Variants in KCNIP4 observed in about 807,000 individuals in gnomAD.
The protein encoded by KCNIP4 is Kv channel-interacting protein 4.
A neutral mutation model predicts 34.0 loss-of-function variants in KCNIP4; 12 were observed. The ratio of observed to expected loss-of-function variants is 0.35; its 90% CI spans 0.23 to 0.57. KCNIP4 has a LOEUF of 0.57. Among genes scored for constraint, KCNIP4 ranks in the 20% least tolerant of loss-of-function variants. KCNIP4 has a pLI of 0.83. For missense variants in KCNIP4, 238 were observed against 311.7 expected (o/e 0.76, Z 1.78); for synonymous variants, 124 against 102.2 (o/e 1.21, Z -1.29).
intron 1 of KCNIP4, among the ~76,000 whole-genome samples, chr4:21,298,975 T>A (rs1184433762): frequency 6.6e-6 from 1 of 152,114 alleles, no homozygotes; most frequent in African/African-American, 2.4e-5. Context: ...CGGAGTCTGA[T>A]GGCCTGAGTT....
At chr4:21,782,310 A>G (rs1241398819) in intron 1 of KCNIP4, among the ~76,000 whole-genome samples, 1 of 152,224 alleles carries the variant, frequency 6.6e-6, no homozygotes, top group East Asian at 1.9e-4. Flanking sequence ...CTATTTTAAC[A>G]TAAGATACAA....
At chr4:21,705,810 A>G (rs889382114) in intron 1 of KCNIP4, among the ~76,000 whole-genome samples, 4 of 152,204 alleles carry the variant, frequency 2.6e-5, no homozygotes. Flanking sequence ...CAGTCAGCTA[A>G]TAATCCACAA....
intron 1 of KCNIP4, among the ~76,000 whole-genome samples, chr4:21,135,283 T>C (rs2109188114): frequency 6.6e-6 from 1 of 152,352 alleles, no homozygotes; most frequent in South Asian, 2.1e-4. Context: ...CAAAATGATA[T>C]GGACTGGTGC....
intron 1 of KCNIP4, among the ~76,000 whole-genome samples, chr4:21,361,792 A>G (rs191413880): frequency 6.6e-6 from 1 of 152,220 alleles, no homozygotes; most frequent in East Asian, 1.9e-4. Flanking sequence ...ATAAAGTAAC[A>G]TAACAGCATA....
intron 1 of KCNIP4, among the ~76,000 whole-genome samples, chr4:21,749,209 C>T (rs1716982316): frequency 6.6e-6 from 1 of 152,046 alleles, no homozygotes; most frequent in East Asian, 1.9e-4. Flanking sequence ...TCATGCTTTC[C>T]TCCCTATTAG....
chr4:21,394,480 C>T (rs965266933), intron 1 of KCNIP4, among the ~76,000 whole-genome samples: 9 of 152,192 alleles, frequency 5.9e-5, no homozygotes, highest in African/African-American at 2.2e-4. Context: ...TCAATCATGG[C>T]CAGTCAATTT....
At chr4:21,919,724 G>A (rs760610966) in intron 1 of KCNIP4, among the ~76,000 whole-genome samples, 1 of 152,066 alleles carries the variant, frequency 6.6e-6, no homozygotes, top group Admixed American at 6.5e-5. Flanking sequence ...GAGAATATCA[G>A]GGGTGGAAAA....
At chr4:21,609,554 T>C (rs138003772) in intron 1 of KCNIP4, among the ~76,000 whole-genome samples, 32 of 152,320 alleles carry the variant, frequency 2.1e-4, no homozygotes, top group Middle Eastern at 3.4e-3. Context: ...CCTCTGAAGA[T>C]AGAAAAATTT....
intron 1 of KCNIP4, among the ~76,000 whole-genome samples, chr4:20,949,877 A>C (rs1189686751): frequency 1.7e-5 from 1 of 58,206 alleles, no homozygotes; most frequent in Non-Finnish European, 3.3e-5. Context: ...GGGAGGGGGG[A>C]GGGATAGCAT....
At chr4:21,861,297 A>T (rs1453676619) in intron 1 of KCNIP4, among the ~76,000 whole-genome samples, 1 of 152,204 alleles carries the variant, frequency 6.6e-6, no homozygotes, top group Non-Finnish European at 1.5e-5. Flanking sequence ...ATAATAATTC[A>T]ATTTAAAAAG....
chr4:21,777,832 C>T (rs1719283123), intron 1 of KCNIP4, among the ~76,000 whole-genome samples: 1 of 152,140 alleles, frequency 6.6e-6, no homozygotes. Flanking sequence ...ATTTCATACA[C>T]TTTTTATGAT....
intron 2 of KCNIP4, among the ~76,000 whole-genome samples, chr4:20,865,994 C>G (rs761106124): frequency 7.2e-5 from 11 of 151,956 alleles, no homozygotes; most frequent in Admixed American, 1.3e-4. Flanking sequence ...TATACACCTT[C>G]TGAAATTGAG....
chr4:21,787,078 G>A (rs1719963200), intron 1 of KCNIP4, among the ~76,000 whole-genome samples: 1 of 152,028 alleles, frequency 6.6e-6, no homozygotes, highest in East Asian at 1.9e-4. Flanking sequence ...AAACCTTTTT[G>A]AACACCCGAC....
intron 1 of KCNIP4, among the ~76,000 whole-genome samples, chr4:21,582,963 C>T (rs1367265194): frequency 1.3e-5 from 2 of 151,784 alleles, no homozygotes; most frequent in Non-Finnish European, 2.9e-5. Flanking sequence ...ATTCTCATTG[C>T]CTTTCTCACA....
At chr4:21,255,172 TC>T (rs1199958308) in intron 1 of KCNIP4, among the ~76,000 whole-genome samples, 1 of 151,966 alleles carries the variant, frequency 6.6e-6, no homozygotes, top group East Asian at 1.9e-4. Flanking sequence ...CCTACCTGTG[TC>T]CCATCCCTTC....
chr4:21,934,969 A>G (rs1314979663), intron 1 of KCNIP4, among the ~76,000 whole-genome samples: 3 of 152,180 alleles, frequency 2.0e-5, no homozygotes, highest in Admixed American at 6.5e-5. Context: ...GTGCATGCAC[A>G]TGTACAAACA....
At chr4:21,306,969 T>C (rs578234299) in intron 1 of KCNIP4, among the ~76,000 whole-genome samples, 4 of 152,052 alleles carry the variant, frequency 2.6e-5, no homozygotes, top group Non-Finnish European at 5.9e-5. Context: ...ATTACAGGCA[T>C]GCACCACCAC....
intron 1 of KCNIP4, among the ~76,000 whole-genome samples, chr4:21,118,284 C>T (rs1313192357): frequency 6.6e-6 from 1 of 152,144 alleles, no homozygotes; most frequent in Non-Finnish European, 1.5e-5. Context: ...AAACTGCAAA[C>T]TCTGCAGCAA....
intron 1 of KCNIP4, among the ~76,000 whole-genome samples, chr4:21,574,624 A>C (rs1308860866): frequency 6.6e-6 from 1 of 152,110 alleles, no homozygotes; most frequent in Non-Finnish European, 1.5e-5. Flanking sequence ...TTTGAAGGAG[A>C]CTATAGTCTT....
Sources: allele counts gnomAD v4.1 joint callset (sites outside exome capture counted in the v4.1 genomes callset), GRCh38; gene constraint gnomAD v4.1.1; transcripts MANE v1.5; gene names NCBI Gene and HGNC (gene_info 2026-07-23, HGNC 2026-07-21).